Variants in BANK1 observed in about 807,000 individuals in gnomAD.
BANK1 encodes the protein B-cell scaffold protein with ankyrin repeats.
A neutral mutation model predicts 94.5 loss-of-function variants in BANK1; 95 were observed. The observed-to-expected ratio is 1.00, with a 90% CI of 0.85 to 1.19. BANK1 has a LOEUF of 1.19. Ranked by LOEUF, BANK1 falls within the 50% of genes most tolerant of loss-of-function variation. BANK1 has a pLI of 0.00. For missense variants in BANK1, 987 were observed against 932.2 expected, an observed-to-expected ratio of 1.06 and a Z score of -0.77; for synonymous variants, 334 against 308.4, an observed-to-expected ratio of 1.08 and a Z score of -0.87.
At position 102,025,384 on chromosome 4, in the gene BANK1, T is replaced by A; in HGVS notation, c.1469T>A (p.Phe490Tyr). The change falls in exon 9 of 17, where the codon TTC (phenylalanine) becomes TAC (tyrosine). Residue 490 changes from phenylalanine to tyrosine, a missense_variant. Transcript: ENST00000322953. ...GACCAGTATGATGACTTGTATGTGT[T>A]CATTCCTGGTGCTGATCCAGAAAAT... The part of the protein sequence containing the change: ...SEDQYDDLYV[F>Y]IPGADPENNS... 5 of 1,614,072 alleles carry A rather than the reference T, an allele frequency of 3.1e-6. No individual in the cohort carries two copies. In the East Asian group the frequency reaches 1.1e-4, roughly 36 times the overall value.
chr4:102,062,875 G>A (rs370114016), intron 12 of BANK1, 200 bp from the exon 13 acceptor site: 47 of 515,994 alleles, frequency 9.1e-5, no homozygotes, highest in South Asian at 8.8e-4. Flanking sequence ...ATGGAATGAC[G>A]ACATTTTACA....
chr4:102,056,587 C>T (rs1038964125), intron 11 of BANK1, among the ~76,000 whole-genome samples: 16 of 151,948 alleles, frequency 1.1e-4, no homozygotes, highest in African/African-American at 3.1e-4. Flanking sequence ...ACCACCAAGA[C>T]GTTTACGATA....
At chr4:101,875,009 G>A (rs1728434776) in intron 5 of BANK1, among the ~76,000 whole-genome samples, 1 of 152,104 alleles carries the variant, frequency 6.6e-6, no homozygotes, top group African/African-American at 2.4e-5. Flanking sequence ...CAGAATAGAA[G>A]GCTCTACCAA....
intron 7 of BANK1, among the ~76,000 whole-genome samples, chr4:101,931,194 G>A (rs1723328109): frequency 6.6e-6 from 1 of 151,470 alleles, no homozygotes; most frequent in Non-Finnish European, 1.5e-5. Context: ...CTGGGCCACA[G>A]GATGCCCAAA....
At chr4:101,944,696 T>C (rs773457510) in intron 7 of BANK1, among the ~76,000 whole-genome samples, 3 of 151,828 alleles carry the variant, frequency 2.0e-5, no homozygotes, top group Non-Finnish European at 4.4e-5. Flanking sequence ...TTCCCAGAGA[T>C]TGTAGAAGTG....
chr4:101,943,774 G>T (rs1723829725), intron 7 of BANK1, among the ~76,000 whole-genome samples: 1 of 151,808 alleles, frequency 6.6e-6, no homozygotes, highest in Non-Finnish European at 1.5e-5. Flanking sequence ...AAAACCATAA[G>T]ATATTTCATA....
chr4:102,015,401 T>C (rs2148944120), intron 7 of BANK1, among the ~76,000 whole-genome samples: 1 of 152,256 alleles, frequency 6.6e-6, no homozygotes, highest in African/African-American at 2.4e-5. Flanking sequence ...TCCAAGTTGG[T>C]AAATACCATG....
At position 101,932,437 on chromosome 4, in the gene BANK1, C is replaced by T. The variant is rs563955890; in HGVS notation, c.1206+14248C>T. Among the ~76,000 whole-genome samples the T allele has an allele frequency of 8.6e-5, 13 of 151,526 alleles. 1 individual carries two copies. The highest frequency in any genetic ancestry group is 3.3e-4 in the Admixed American group (5 of 15,170). ...TTAAAGGGGACTTTTCTTTAAATTT[C>T]ACCTTAGTTGTCCTGTTGTAAGTTT... On this transcript the variant is annotated intron_variant, in intron 7 of 16. Coordinates refer to ENST00000322953, the MANE Select transcript of BANK1 (RefSeq NM_017935.5).
intron 10 of BANK1, among the ~76,000 whole-genome samples, chr4:102,042,387 C>A (rs1727730301): frequency 6.6e-6 from 1 of 151,888 alleles, no homozygotes; most frequent in Non-Finnish European, 1.5e-5. Context: ...TGGTTTTCAA[C>A]CAAAAATATG....
At chr4:102,000,291 C>G (rs1297290718) in intron 7 of BANK1, among the ~76,000 whole-genome samples, 1 of 131,458 alleles carries the variant, frequency 7.6e-6, no homozygotes, top group East Asian at 2.3e-4. Context: ...CCATTGCACT[C>G]TAGCCTGGGT....
chr4:102,024,774 C>T (rs1291470606), intron 8 of BANK1, among the ~76,000 whole-genome samples: 1 of 152,012 alleles, frequency 6.6e-6, no homozygotes, highest in Non-Finnish European at 1.5e-5. Context: ...AAATAAGAGT[C>T]AGATTCATTT....
intron 5 of BANK1, among the ~76,000 whole-genome samples, chr4:101,878,735 T>C (rs923463936): frequency 1.3e-5 from 2 of 152,090 alleles, no homozygotes; most frequent in Non-Finnish European, 2.9e-5. Flanking sequence ...GTCAAAAATT[T>C]GAGATAGTAT....
chr4:102,048,142 T>G (rs1727942993), intron 11 of BANK1, among the ~76,000 whole-genome samples: 1 of 152,200 alleles, frequency 6.6e-6, no homozygotes, highest in African/African-American at 2.4e-5. Flanking sequence ...ATGATATTTT[T>G]GATTAGTCAT....
chr4:101,865,765 A>G (rs142804478), intron 4 of BANK1, among the ~76,000 whole-genome samples: 30 of 152,266 alleles, frequency 2.0e-4, no homozygotes, highest in African/African-American at 6.0e-4. Context: ...GGATTCCAGC[A>G]TAATGACAGT....
intron 1 of BANK1, among the ~76,000 whole-genome samples, chr4:101,806,852 A>G (rs1313943255): frequency 6.6e-6 from 1 of 152,234 alleles, no homozygotes; most frequent in Non-Finnish European, 1.5e-5. Flanking sequence ...CAGGGGATAC[A>G]CAAAAGGTGG....
At chr4:102,049,996 A>G (rs1162135299) in intron 11 of BANK1, among the ~76,000 whole-genome samples, 1 of 152,208 alleles carries the variant, frequency 6.6e-6, no homozygotes, top group African/African-American at 2.4e-5. Flanking sequence ...GCCCACCCCA[A>G]GGAAAAACCA....
At chr4:101,999,925 G>C (rs767436326) in intron 7 of BANK1, among the ~76,000 whole-genome samples, 9 of 152,284 alleles carry the variant, frequency 5.9e-5, no homozygotes, top group Non-Finnish European at 7.4e-5. Context: ...CTGAGACTTA[G>C]ACAAGTAGAG....
At chr4:101,856,333 A>G (rs1408884312) in intron 3 of BANK1, among the ~76,000 whole-genome samples, 1 of 152,174 alleles carries the variant, frequency 6.6e-6, no homozygotes, top group African/African-American at 2.4e-5. Flanking sequence ...TACAGGTATG[A>G]GGAAACTGAC....
At chr4:102,041,642 C>T (rs1018431917) in intron 10 of BANK1, among the ~76,000 whole-genome samples, 5 of 151,994 alleles carry the variant, frequency 3.3e-5, no homozygotes, top group South Asian at 2.1e-4. Context: ...ACCTACTACA[C>T]GTCTGCTTTT....
Sources: gnomAD v4.1 joint callset for allele counts (sites outside exome capture counted in the v4.1 genomes callset) on GRCh38, gnomAD v4.1.1 for gene constraint, MANE v1.5 for transcripts, NCBI Gene and HGNC (gene_info 2026-07-23, HGNC 2026-07-21) for gene names.